Variants in FGGY observed in about 807,000 individuals in gnomAD.
FGGY encodes FGGY carbohydrate kinase domain-containing protein.
In FGGY, 72 loss-of-function variants were observed where a neutral mutation model predicts 71.3. The observed-to-expected ratio is 1.01, with a 90% CI of 0.84 to 1.23. The LOEUF (loss-of-function observed/expected upper bound fraction) is 1.23. Among genes scored for constraint, FGGY ranks in the 50% most tolerant of loss-of-function variants. FGGY has a pLI of 0.00. For synonymous variants in FGGY, 251 were observed against 250.3 expected (o/e 1.00, Z -0.02); for missense variants, 668 against 682.3 (o/e 0.98, Z 0.23).
At chr1:59,703,312 A>T (rs1279239133) in intron 14 of FGGY, among the ~76,000 whole-genome samples, 6 of 152,136 alleles carry the variant, frequency 3.9e-5, no homozygotes, top group Non-Finnish European at 8.8e-5. Flanking sequence ...AGTGCCTTCC[A>T]TGTGCCAGGC....
chr1:59,757,469 G>C (rs376035888), intron 14 of FGGY, among the ~76,000 whole-genome samples: 1 of 152,216 alleles, frequency 6.6e-6, no homozygotes, highest in African/African-American at 2.4e-5. Context: ...GAATTGGAGA[G>C]GTCTTAAATA....
At chr1:59,459,365 G>T (rs1490669702) in intron 6 of FGGY, among the ~76,000 whole-genome samples, 1 of 152,140 alleles carries the variant, frequency 6.6e-6, no homozygotes, top group Non-Finnish European at 1.5e-5. Flanking sequence ...TTTCAAGGAG[G>T]TATTTGGATG....
chr1:59,496,958 A>T (rs1397565884), intron 6 of FGGY, among the ~76,000 whole-genome samples: 1 of 152,228 alleles, frequency 6.6e-6, no homozygotes, highest in African/African-American at 2.4e-5. Flanking sequence ...GGAAACACTG[A>T]TTTAAGGCAA....
At chr1:59,347,306 C>G (rs1041594192) in intron 4 of FGGY, among the ~76,000 whole-genome samples, 27 of 132,878 alleles carry the variant, frequency 2.0e-4, no homozygotes, top group African/African-American at 7.4e-4. Flanking sequence ...TCCATGTGTT[C>G]TCATTGTTCT....
intron 7 of FGGY, among the ~76,000 whole-genome samples, chr1:59,552,743 A>T (rs1316404634): frequency 2.6e-5 from 4 of 151,950 alleles, no homozygotes; most frequent in African/African-American, 9.7e-5. Flanking sequence ...GCACTGAAAT[A>T]CTCCATTTAG....
At chr1:59,309,638 T>A (rs76053699) in intron 1 of FGGY, among the ~76,000 whole-genome samples, 3,120 of 152,294 alleles carry the variant, frequency 0.02, 94 homozygotes, top group African/African-American at 0.071. Flanking sequence ...ATGTTTAATC[T>A]TCAAATAATT....
intron 9 of FGGY, among the ~76,000 whole-genome samples, chr1:59,613,638 A>T (rs2096715975): frequency 6.6e-6 from 1 of 152,232 alleles, no homozygotes; most frequent in Non-Finnish European, 1.5e-5. Flanking sequence ...GGCAAGAAAT[A>T]ACTAAAATCA....
intron 8 of FGGY, among the ~76,000 whole-genome samples, chr1:59,606,456 A>G (rs899865068): frequency 6.6e-6 from 1 of 152,214 alleles, no homozygotes; most frequent in Non-Finnish European, 1.5e-5. Flanking sequence ...TACGGCAGTT[A>G]CAGTGCAGTT....
At chr1:59,328,594 A>T (rs1013977250) in intron 2 of FGGY, among the ~76,000 whole-genome samples, 15 of 152,118 alleles carry the variant, frequency 9.9e-5, no homozygotes, top group African/African-American at 3.6e-4. Context: ...TTCCTTACGA[A>T]CTTTCTTTTG....
intron 9 of FGGY, among the ~76,000 whole-genome samples, chr1:59,610,714 CATCGCCTCACCCGG>C (rs1401121360): frequency 8.5e-5 from 13 of 152,230 alleles, no homozygotes; most frequent in Middle Eastern, 3.2e-3. Flanking sequence ...CAGGGCGAGG[CATCGCCTCACCCGG>C]GAAGCACAAG....
chr1:59,642,162 T>A (rs1294672485), intron 11 of FGGY, among the ~76,000 whole-genome samples: 3 of 152,132 alleles, frequency 2.0e-5, no homozygotes, highest in Admixed American at 2.0e-4. Context: ...TTCTGTAAAC[T>A]TGGGAGGAAG....
intron 6 of FGGY, among the ~76,000 whole-genome samples, chr1:59,478,678 A>G (rs781620351): frequency 1.5e-4 from 23 of 152,238 alleles, no homozygotes; most frequent in Non-Finnish European, 3.1e-4. Flanking sequence ...ATTTGGATCT[A>G]TGCTAGGAAA....
In FGGY at chr1:59,440,125, A is replaced by C. The variant is rs144580194; in HGVS notation, c.555-16836A>C. On this transcript the variant is annotated intron_variant, in intron 5 of 15. Coordinates refer to ENST00000303721, the MANE Select transcript of FGGY (RefSeq NM_018291.5). ...AAAAAAAAAAAAACGGAAATGATAC[A>C]CAAGAGAATTAGATTGAATTTAGGC... is the stretch of plus-strand genomic sequence containing the variant. Among the ~76,000 whole-genome samples the C allele has an allele frequency of 2.0e-3, 304 of 151,554 alleles. 5 individuals are homozygous for C. Among genetic ancestry groups the C allele is most frequent in the Non-Finnish European group, 8.7e-4 (59 of 67,910 alleles).
At chr1:59,699,484 C>A in intron 14 of FGGY, 1 of 827,188 alleles carries the variant, frequency 1.2e-6, no homozygotes, top group Non-Finnish European at 1.5e-6. Flanking sequence ...AAAACAACCC[C>A]TCTGCTCTTT....
intron 14 of FGGY, chr1:59,698,994 A>G: frequency 1.0e-6 from 1 of 985,302 alleles, no homozygotes; most frequent in Non-Finnish European, 1.2e-6. Context: ...CCATGTTTAA[A>G]TATGTTTAAT....
At chr1:59,557,154 G>A (rs1221563008) in intron 8 of FGGY, among the ~76,000 whole-genome samples, 1 of 152,198 alleles carries the variant, frequency 6.6e-6, no homozygotes, top group East Asian at 1.9e-4. Flanking sequence ...ACACTCCCAG[G>A]GAGACTCAAG....
chr1:59,398,475 A>G (rs1347380999), intron 5 of FGGY, among the ~76,000 whole-genome samples: 2 of 152,092 alleles, frequency 1.3e-5, no homozygotes, highest in African/African-American at 4.8e-5. Flanking sequence ...CTAACCTCAA[A>G]TGATCCACCT....
At chr1:59,360,845 A>G (rs1184893705) in intron 4 of FGGY, among the ~76,000 whole-genome samples, 26 of 152,130 alleles carry the variant, frequency 1.7e-4, no homozygotes, top group Admixed American at 1.7e-3. Context: ...GGGAGAGGGT[A>G]TTATTCCTGT....
chr1:59,588,447 C>G (rs530358701), intron 8 of FGGY, among the ~76,000 whole-genome samples: 7,750 of 151,476 alleles, frequency 0.051, 387 homozygotes, highest in African/African-American at 0.13. Context: ...CAGAGAACGC[C>G]ACAAAGATAC....
Sources: allele counts gnomAD v4.1 joint callset (sites outside exome capture counted in the v4.1 genomes callset), GRCh38; gene constraint gnomAD v4.1.1; transcripts MANE v1.5; gene names NCBI Gene and HGNC (gene_info 2026-07-23, HGNC 2026-07-21).